Variants in NUP214 observed in about 807,000 individuals in gnomAD.
NUP214 encodes nucleoporin 214.
Under a neutral mutation model 196.2 loss-of-function variants are expected in NUP214, and 79 were observed. The observed-to-expected ratio is 0.40, with a 90% confidence interval of 0.34 to 0.49. NUP214 has a LOEUF of 0.49. Among genes scored for constraint, NUP214 ranks in the 20% least tolerant of loss-of-function variants. NUP214 has a pLI of 0.58. For missense variants in NUP214, 2,468 were observed against 2,539.0 expected (o/e 0.97, Z 0.60); for synonymous variants, 1,020 against 990.5 (o/e 1.03, Z -0.56).
intron 5 of NUP214, among the ~76,000 whole-genome samples, chr9:131,131,583 C>T (rs759240560): frequency 2.6e-5 from 4 of 152,154 alleles, no homozygotes; most frequent in Non-Finnish European, 1.5e-5. Flanking sequence ...CAAAAGTTAC[C>T]TGAAATTTGG....
chr9:131,219,601 T>G (rs112464734), intron 31 of NUP214, among the ~76,000 whole-genome samples: 6,168 of 152,300 alleles, frequency 0.04, 166 homozygotes, highest in African/African-American at 0.078. Flanking sequence ...AAAGAAAACC[T>G]GGGAACCCAT....
intron 17 of NUP214, among the ~76,000 whole-genome samples, chr9:131,157,638 T>A (rs899045745): frequency 2.0e-5 from 3 of 151,404 alleles, no homozygotes; most frequent in Non-Finnish European, 4.4e-5. Context: ...CTAATTTTTG[T>A]TTTTTGTTTT....
chr9:131,231,804 G>T (rs1382785010), intron 34 of NUP214, among the ~76,000 whole-genome samples: 1 of 148,434 alleles, frequency 6.7e-6, no homozygotes, highest in African/African-American at 2.5e-5. Context: ...AAACTCCAAG[G>T]AACTAAGTGT....
intron 29 of NUP214, among the ~76,000 whole-genome samples, chr9:131,200,350 G>T (rs1445350438): frequency 6.6e-6 from 1 of 152,142 alleles, no homozygotes; most frequent in Non-Finnish European, 1.5e-5. Flanking sequence ...CCGAGGCAGG[G>T]GAATCACTTG....
chr9:131,174,599 C>T (rs1833061713), intron 22 of NUP214, among the ~76,000 whole-genome samples: 1 of 151,836 alleles, frequency 6.6e-6, no homozygotes, highest in South Asian at 2.1e-4. Context: ...CAGGCGTGCA[C>T]CACCACGCCT....
In NUP214 at chr9:131,199,067, A is replaced by G. The variant is rs370878315; in HGVS notation, c.5521+52A>G. The G allele has an allele frequency of 5.2e-6, 8 of 1,525,872 alleles. No individual in the cohort carries two copies. The African/African-American group carries it at 9.7e-5, about 19-fold the overall frequency. 94.5% of individuals were successfully genotyped at this position (1,525,872 alleles called of 1,614,324 possible). A position where few individuals can be genotyped will look rare whatever the true frequency, so the allele number is the denominator to read the frequency against. ...TGTTTCCCTCTCTGCTATTTGAAACATTAGCAACAGACCCCTATTACTTTT... is the reference window on the plus strand; with the variant it reads ...TGTTTCCCTCTCTGCTATTTGAAACGTTAGCAACAGACCCCTATTACTTTT... On this transcript the variant is annotated intron_variant, in intron 29 of 35. Transcript: ENST00000359428.
rs1012533854 is a variant in NUP214 at position 131,133,044 on chromosome 9, G to A, written c.728-62G>A. The A allele has an allele frequency of 4.0e-6, 5 of 1,255,730 alleles. No individual in the cohort carries two copies. The East Asian group carries it at 7.0e-5, about 18-fold the overall frequency. 77.8% of individuals were successfully genotyped at this position (1,255,730 alleles called of 1,614,324 possible). ...ATAGTGGCTATTCCAAACATAAGCT[G>A]CTTTTTCTTGTATCTGGTTGCTGTC... On this transcript the variant is annotated intron_variant, in intron 6 of 35. Coordinates refer to ENST00000359428, the MANE Select transcript of NUP214 (RefSeq NM_005085.4).
At chr9:131,149,195 G>A (rs562740315) in intron 14 of NUP214, among the ~76,000 whole-genome samples, 1 of 152,032 alleles carries the variant, frequency 6.6e-6, no homozygotes, top group South Asian at 2.1e-4. Context: ...AAGTGCCCAG[G>A]TCACAGTTCA....
chr9:131,147,693 T>A, intron 14 of NUP214, 109 bp downstream of exon 14: 1 of 816,206 alleles, frequency 1.2e-6, no homozygotes, highest in East Asian at 2.5e-5. Context: ...TTGGACATAG[T>A]AATTGGGACT....
At chr9:131,228,090 C>G in intron 32 of NUP214, 70 bp from the exon 33 acceptor site, 2 of 1,400,154 alleles carry the variant, frequency 1.4e-6, no homozygotes, top group Non-Finnish European at 1.9e-6. Context: ...TCTCATTGCT[C>G]AATGTCTTCT....
chr9:131,132,285 T>C (rs1224016804), intron 5 of NUP214, among the ~76,000 whole-genome samples: 1 of 151,882 alleles, frequency 6.6e-6, no homozygotes, highest in East Asian at 1.9e-4. Flanking sequence ...CACCCAGCTA[T>C]GTATTTTTAG....
At chr9:131,224,344 A>C (rs1012472240) in intron 32 of NUP214, among the ~76,000 whole-genome samples, 8 of 152,228 alleles carry the variant, frequency 5.3e-5, no homozygotes, top group African/African-American at 1.9e-4. Context: ...ATCTGCGGAG[A>C]GTCTGCACTC....
intron 4 of NUP214, 57 bp downstream of exon 4, chr9:131,129,534 T>C (rs1831462880): frequency 1.3e-6 from 2 of 1,530,648 alleles, no homozygotes; most frequent in African/African-American, 1.4e-5. Flanking sequence ...TACTTAAGAA[T>C]TGATTTCTAG....
intron 23 of NUP214, among the ~76,000 whole-genome samples, chr9:131,176,272 G>T (rs1030153232): frequency 6.6e-6 from 1 of 151,918 alleles, no homozygotes; most frequent in African/African-American, 2.4e-5. Context: ...CTAACCCTCT[G>T]CTCTTTTTCA....
chr9:131,125,945 G>GTCTCGTGCACGGCTGT lies in NUP214; in HGVS notation c.45+198_45+213dup. ...AATGCAGTTTCCCAGTCCCATCCTG[G>GTCTCGTGCACGGCTGT]TCTCGTGCACGGCTGTTGAGTTACC... On this transcript the variant is annotated intron_variant, in intron 1 of 35. Transcript: ENST00000359428. The surrounding 1 kb of genome is among the most constrained non-coding windows in gnomAD (Gnocchi z 4.1). 1.5e-6 allele frequency: 1 copy of GTCTCGTGCACGGCTGT among 658,470 alleles called. No individual in the cohort carries two copies. The highest frequency in any genetic ancestry group is 2.9e-5 in the East Asian group (1 of 34,748). 40.8% of individuals were successfully genotyped at this position (658,470 alleles called of 1,614,324 possible). A position where few individuals can be genotyped will look rare whatever the true frequency, so the allele number is the denominator to read the frequency against.
intron 3 of NUP214, among the ~76,000 whole-genome samples, 192 bp from the exon 4 acceptor site, chr9:131,129,087 C>T (rs1289500529): frequency 6.6e-6 from 1 of 152,132 alleles, no homozygotes; most frequent in African/African-American, 2.4e-5. Context: ...TAATTGATTG[C>T]CATTTTCAAA....
chr9:131,180,263 G>T (rs1173751472), intron 24 of NUP214, among the ~76,000 whole-genome samples: 2 of 152,188 alleles, frequency 1.3e-5, no homozygotes, highest in Non-Finnish European at 2.9e-5. Context: ...TGCCTGAAAT[G>T]TAGAAGCATT....
rs753057380 is a variant in NUP214 at position 131,230,683 on chromosome 9, C to T, written c.6128C>T (p.Ala2043Val). 9.9e-6 allele frequency: 16 copies of T among 1,614,102 alleles called. No individual in the cohort carries two copies. Among genetic ancestry groups the T allele is most frequent in the Middle Eastern group, 1.6e-4 (1 of 6,062 alleles). The change falls in exon 34 of 36, where the codon GCC becomes GTC. Residue 2043 changes from alanine to valine, a missense_variant. Around this residue, in one of 5 missense-constraint regions of NUP214, gnomAD observed 262 missense variants for 296.5 expected, o/e 0.88. Transcript: ENST00000359428. ...TTCGGCACGCTCGCGAGTCAGAATG[C>T]CCCCACTTTCGGATCACTGTCCCAA... is the stretch of plus-strand genomic sequence containing the variant. ...TSFGTLASQN[A>V]PTFGSLSQQT... is the part of the protein sequence containing the mutation.
chr9:131,176,674 A>AGC (rs1165471510), intron 23 of NUP214, among the ~76,000 whole-genome samples: 1 of 152,176 alleles, frequency 6.6e-6, no homozygotes, highest in Admixed American at 6.5e-5. Flanking sequence ...TACAGAAGGA[A>AGC]GCGCTAATAA....
Sources: allele counts gnomAD v4.1 joint callset (sites outside exome capture counted in the v4.1 genomes callset), GRCh38; gene constraint gnomAD v4.1.1; regional missense constraint gnomAD v4.1.1; non-coding constraint Gnocchi (gnomAD v3.1); transcripts MANE v1.5; gene names NCBI Gene and HGNC (gene_info 2026-07-23, HGNC 2026-07-21).